RPA1: variants seen among roughly 807,000 people sequenced by gnomAD.
RPA1 encodes replication protein A1.
RPA1 carries 49 observed loss-of-function variants against 83.0 expected under a neutral mutation model. That is an observed-to-expected ratio of 0.59 (90% CI 0.47 to 0.75). The LOEUF (loss-of-function observed/expected upper bound fraction) is 0.75, where lower values mean the gene tolerates loss of function less well. Among genes scored for constraint, RPA1 ranks in the 30% least tolerant of loss-of-function variants. The pLI is 0.00. For synonymous variants in RPA1, 279 were observed against 281.8 expected (o/e 0.99, Z 0.10); for missense variants, 693 against 776.1 (o/e 0.89, Z 1.27).
chr17:1,875,269 G>T lies in RPA1; in HGVS notation c.455-392G>T, dbSNP rs546246424. On this transcript the variant is annotated intron_variant, in intron 6 of 16. Transcript: ENST00000254719. Reference sequence around the variant, plus strand: ...TCTTTCTTCATGTGACTAGTGCCTTGCCATCAGTTTTACCAGTTACAAAAG... The same window carrying T: ...TCTTTCTTCATGTGACTAGTGCCTTTCCATCAGTTTTACCAGTTACAAAAG... Among the ~76,000 whole-genome samples, 3 of 152,292 alleles carry T rather than the reference G, an allele frequency of 2.0e-5. No homozygotes were observed. The South Asian group carries it at 6.2e-4, about 32-fold the overall frequency.
At chr17:1,831,332 G>A (rs2151263299) in intron 1 of RPA1, among the ~76,000 whole-genome samples, 1 of 152,114 alleles carries the variant, frequency 6.6e-6, no homozygotes, top group East Asian at 1.9e-4. Context: ...CTCCTATATT[G>A]TCCATTACCT....
chr17:1,871,761 C>T (rs1310163354), intron 5 of RPA1, among the ~76,000 whole-genome samples: 1 of 152,038 alleles, frequency 6.6e-6, no homozygotes, highest in Admixed American at 6.6e-5. Context: ...CGCTCATTTC[C>T]CCCCCTTTAC....
chr17:1,883,489 C>T lies in RPA1; in HGVS notation c.1242-323C>T, dbSNP rs1913876569. ...AAAAAATTTTTTTAATGGGCCTGGG[C>T]ATGGAAGTCCCAGTTACTTAGCAGG... On this transcript the variant is annotated intron_variant, in intron 12 of 16. Coordinates refer to ENST00000254719, the MANE Select transcript of RPA1 (RefSeq NM_002945.5). 2.0e-5 allele frequency among the ~76,000 whole-genome samples: 3 copies of T among 152,136 alleles called. No homozygotes were observed. In the South Asian group the frequency reaches 6.2e-4, roughly 32 times the overall value.
chr17:1,860,000 A>T (rs933592798), intron 5 of RPA1, among the ~76,000 whole-genome samples: 1 of 152,082 alleles, frequency 6.6e-6, no homozygotes, highest in African/African-American at 2.4e-5. Context: ...TTTAGTAGAG[A>T]TAGGGTTTCA....
At chr17:1,839,443 A>G (rs1911956212) in intron 1 of RPA1, among the ~76,000 whole-genome samples, 1 of 151,354 alleles carries the variant, frequency 6.6e-6, no homozygotes, top group Non-Finnish European at 1.5e-5. Flanking sequence ...CTCCTACCTC[A>G]GCCTCCTGAA....
chr17:1,896,386 G>A (rs1211429412), intron 16 of RPA1, among the ~76,000 whole-genome samples: 1 of 152,230 alleles, frequency 6.6e-6, no homozygotes, highest in African/African-American at 2.4e-5. Flanking sequence ...GTACGAGTGG[G>A]CAGGGGGAGT....
chr17:1,849,180 C>T (rs1045386081), intron 4 of RPA1, among the ~76,000 whole-genome samples: 6 of 151,906 alleles, frequency 3.9e-5, no homozygotes, highest in Non-Finnish European at 8.8e-5. Context: ...CTTGCCAGTA[C>T]TTCAAATTAC....
At chr17:1,863,184 A>ATTTATTTTATTTTATTTTACTTTAT (rs1913051291) in intron 5 of RPA1, among the ~76,000 whole-genome samples, 1 of 138,778 alleles carries the variant, frequency 7.2e-6, no homozygotes, top group Non-Finnish European at 1.5e-5. Flanking sequence ...CGCCCAACTA[A>ATTTATTTTATTTTATTTTACTTTAT]TTTATTTTAT....
At chr17:1,896,461 C>T (rs975153189) in intron 16 of RPA1, among the ~76,000 whole-genome samples, 12 of 151,640 alleles carry the variant, frequency 7.9e-5, no homozygotes, top group African/African-American at 2.2e-4. Flanking sequence ...CGTTCTTCTG[C>T]GACTACTATA....
At chr17:1,869,202 G>T (rs533709425) in intron 5 of RPA1, among the ~76,000 whole-genome samples, 1 of 152,296 alleles carries the variant, frequency 6.6e-6, no homozygotes, top group South Asian at 2.1e-4. Flanking sequence ...AATGATAGGT[G>T]TGAGTGCAAA....
At chr17:1,842,053 G>T (rs772400052) in intron 1 of RPA1, among the ~76,000 whole-genome samples, 1 of 151,814 alleles carries the variant, frequency 6.6e-6, no homozygotes, top group Non-Finnish European at 1.5e-5. Context: ...ACAGAGTCTC[G>T]CTATGTTGCT....
At position 1,879,096 on chromosome 17, in the gene RPA1, T is replaced by TG. The variant is rs755734849; in HGVS notation, c.759+40dup. On this transcript the variant is annotated intron_variant, in intron 9 of 16. Coordinates refer to ENST00000254719, the MANE Select transcript of RPA1 (RefSeq NM_002945.5). ...TGCTGACTTTAGAACTGACACCGCC[T>TG]GGGGGTGGAGTGCGGATGAAAAGAC... 3.7e-6 allele frequency: 6 copies of TG among 1,612,888 alleles called. No homozygotes were observed. In the African/African-American group the frequency reaches 5.3e-5, roughly 14 times the overall value.
intron 4 of RPA1, among the ~76,000 whole-genome samples, chr17:1,848,024 G>A (rs545011866): frequency 3.3e-5 from 5 of 151,886 alleles, no homozygotes; most frequent in South Asian, 2.1e-4. Context: ...AAAAAAAAGC[G>A]TATCTCTGAA....
In RPA1 at chr17:1,898,456, C is replaced by G. The variant is rs1914529098; in HGVS notation, c.*1281C>G. 1 of 152,238 alleles carries G rather than the reference C, an allele frequency of 6.6e-6. No homozygotes were observed. Among genetic ancestry groups the G allele is most frequent in the African/African-American group, 2.4e-5 (1 of 41,464 alleles). 9.4% of individuals were successfully genotyped at this position (152,238 alleles called of 1,614,324 possible). A position where few individuals can be genotyped will look rare whatever the true frequency, so the allele number is the denominator to read the frequency against. On this transcript the variant is annotated 3_prime_UTR_variant, in exon 17 of 17. Transcript: ENST00000254719. ...GTGTGTTCCTAATCATATTAATTAT[C>G]TATCCGGTGGCTGCAACACACCGCC... is the stretch of plus-strand genomic sequence containing the variant.
intron 2 of RPA1, 97 bp downstream of exon 2, chr17:1,842,950 C>T (rs547702295): frequency 1.2e-4 from 153 of 1,273,366 alleles, no homozygotes; most frequent in Non-Finnish European, 1.5e-4. Flanking sequence ...TGTCCACTTT[C>T]GGAAATTCAC....
chr17:1,888,692 T>C lies in RPA1; in HGVS notation c.1392T>C (p.Ser464=), dbSNP rs1012823186. ...GQGDKPDYFS[S]VATVVYLRKE... ...TCCCGAAGCCGGACTACTTTAGTTC[T>C]GTGGCCACAGTGGTGTATCTTCGCA... is the stretch of plus-strand genomic sequence containing the variant. The change falls in exon 14 of 17, where the codon TCT becomes TCC. Residue 464 remains serine, a synonymous_variant. Transcript: ENST00000254719. 1.9e-6 allele frequency: 3 copies of C among 1,613,712 alleles called. No homozygotes were observed. The highest frequency in any genetic ancestry group is 1.7e-4 in the Middle Eastern group (1 of 5,986).
chr17:1,886,442 T>G (rs1440992062), intron 13 of RPA1, among the ~76,000 whole-genome samples: 1 of 152,230 alleles, frequency 6.6e-6, no homozygotes, highest in African/African-American at 2.4e-5. Context: ...CCTTTGAAGC[T>G]TTGAAGCCAG....
At chr17:1,861,136 C>T (rs375697885) in intron 5 of RPA1, among the ~76,000 whole-genome samples, 10 of 152,184 alleles carry the variant, frequency 6.6e-5, no homozygotes, top group Non-Finnish European at 1.5e-4. Context: ...CACACACACA[C>T]GGGCCAACCA....
intron 1 of RPA1, among the ~76,000 whole-genome samples, chr17:1,836,110 T>TTTATTTA (rs367966063): frequency 9.1e-4 from 138 of 151,876 alleles, no homozygotes; most frequent in Non-Finnish European, 1.7e-3. Context: ...ATTGCACCTT[T>TTTATTTA]TTTATTTATT....
Sources: allele counts gnomAD v4.1 joint callset (sites outside exome capture counted in the v4.1 genomes callset), GRCh38; gene constraint gnomAD v4.1.1; transcripts MANE v1.5; gene names NCBI Gene and HGNC (gene_info 2026-07-23, HGNC 2026-07-21).